The following L3MBTL4 variants were observed in gnomAD, a reference collection of about 807,000 sequenced individuals.
The protein encoded by L3MBTL4 is L3MBTL histone methyl-lysine binding protein 4, also known as lethal(3)malignant brain tumor-like protein 4.
In L3MBTL4, 70 loss-of-function variants were observed where a neutral mutation model predicts 84.5. The observed-to-expected ratio is 0.83, with a 90% CI of 0.68 to 1.01. The LOEUF (loss-of-function observed/expected upper bound fraction) is 1.01, where lower values mean the gene tolerates loss of function less well. Among genes scored for constraint, L3MBTL4 ranks in the 50% least tolerant of loss-of-function variants. The probability of loss-of-function intolerance (pLI) is 0.00; values close to 1 mark genes in which losing one functional copy is unlikely to be tolerated. For synonymous variants in L3MBTL4, 274 were observed against 259.8 expected, an observed-to-expected ratio of 1.05 and a Z score of -0.52; for missense variants, 715 against 754.8, an observed-to-expected ratio of 0.95 and a Z score of 0.62.
At chr18:5,964,510 C>CTT (rs140729651) in intron 17 of L3MBTL4, among the ~76,000 whole-genome samples, 6 of 149,574 alleles carry the variant, frequency 4.0e-5, no homozygotes, top group African/African-American at 1.5e-4. Flanking sequence ...GTTTATTTGC[C>CTT]TTTTTTTTTT....
At chr18:6,364,803 AGATGT>A in intron 1 of L3MBTL4, among the ~76,000 whole-genome samples, 1 of 152,116 alleles carries the variant, frequency 6.6e-6, no homozygotes, top group Non-Finnish European at 1.5e-5. Context: ...CTGTAATCTC[AGATGT>A]CAGTAAAGTC....
chr18:6,334,167 C>A (rs562652987), intron 1 of L3MBTL4, among the ~76,000 whole-genome samples: 1 of 152,302 alleles, frequency 6.6e-6, no homozygotes, highest in Non-Finnish European at 1.5e-5. Context: ...CATCTGCAAC[C>A]TTTTGATGCT....
intron 12 of L3MBTL4, among the ~76,000 whole-genome samples, chr18:6,200,543 T>G (rs1031084826): frequency 6.6e-6 from 1 of 152,178 alleles, no homozygotes; most frequent in Admixed American, 6.5e-5. Flanking sequence ...TTCCAGCCAT[T>G]TATTATCCAT....
intron 3 of L3MBTL4, among the ~76,000 whole-genome samples, chr18:6,307,393 C>T (rs537680397): frequency 1.0e-4 from 15 of 149,100 alleles, no homozygotes; most frequent in Admixed American, 3.4e-4. Flanking sequence ...GCCGAGATTG[C>T]GCCACTGCAC....
intron 4 of L3MBTL4, among the ~76,000 whole-genome samples, chr18:6,287,872 G>A (rs1464619600): frequency 2.0e-5 from 3 of 152,108 alleles, no homozygotes; most frequent in Non-Finnish European, 4.4e-5. Flanking sequence ...ATGAGACCCT[G>A]TCTCTATAAA....
intron 16 of L3MBTL4, among the ~76,000 whole-genome samples, chr18:5,987,519 C>A (rs2053516856): frequency 6.6e-6 from 1 of 152,222 alleles, no homozygotes; most frequent in Non-Finnish European, 1.5e-5. Flanking sequence ...TAGCATCCTC[C>A]TACAACGAGC....
At chr18:6,216,570 T>C (rs539291124) in intron 10 of L3MBTL4, among the ~76,000 whole-genome samples, 1 of 152,182 alleles carries the variant, frequency 6.6e-6, no homozygotes, top group Non-Finnish European at 1.5e-5. Flanking sequence ...CTACATCTCT[T>C]CAGTTTATTT....
intron 15 of L3MBTL4, among the ~76,000 whole-genome samples, chr18:6,083,319 A>G (rs1257683962): frequency 6.6e-6 from 1 of 152,190 alleles, no homozygotes; most frequent in Non-Finnish European, 1.5e-5. Context: ...GAGCATAAGT[A>G]ACGTGGGACG....
rs1050552734 is a variant in L3MBTL4 at position 5,997,012 on chromosome 18, C to T, written c.1445-27450G>A. Among the ~76,000 whole-genome samples, 6 of 141,908 alleles carry T rather than the reference C, an allele frequency of 4.2e-5. 1 individual carries two copies. The highest frequency in any genetic ancestry group is 1.9e-4 in the African/African-American group (6 of 31,906). 93.1% of individuals were successfully genotyped at this position (141,908 alleles called of 152,430 possible). On this transcript the variant is annotated intron_variant, in intron 16 of 18. Coordinates refer to ENST00000317931, the MANE Select transcript of L3MBTL4 (RefSeq NM_001330559.2). Reference sequence around the variant, plus strand: ...AGAAGCACAATTGATCCTCAGTATCCATGTCATGGATTCAACCAATTGCAG... The same window carrying T: ...AGAAGCACAATTGATCCTCAGTATCTATGTCATGGATTCAACCAATTGCAG...
intron 13 of L3MBTL4, among the ~76,000 whole-genome samples, chr18:6,160,077 G>C (rs1445416302): frequency 6.6e-6 from 1 of 152,188 alleles, no homozygotes; most frequent in East Asian, 1.9e-4. Context: ...GTCCTGGGGG[G>C]CTGCCCTGCT....
intron 12 of L3MBTL4, among the ~76,000 whole-genome samples, chr18:6,194,647 CTT>C (rs1457988567): frequency 6.6e-6 from 1 of 152,188 alleles, no homozygotes; most frequent in African/African-American, 2.4e-5. Flanking sequence ...TGGTCCCTAA[CTT>C]TGAACTGCAA....
At chr18:6,305,855 G>A (rs1022323748) in intron 3 of L3MBTL4, among the ~76,000 whole-genome samples, 9 of 152,138 alleles carry the variant, frequency 5.9e-5, no homozygotes, top group Admixed American at 1.3e-4. Flanking sequence ...TAGTGTCTAC[G>A]TTTCTCTGTC....
At chr18:6,365,577 G>T (rs1441812561) in intron 1 of L3MBTL4, among the ~76,000 whole-genome samples, 1 of 152,144 alleles carries the variant, frequency 6.6e-6, no homozygotes, top group Non-Finnish European at 1.5e-5. Context: ...AGCAACAATA[G>T]TGTGGTTTAA....
intron 17 of L3MBTL4, among the ~76,000 whole-genome samples, chr18:5,964,043 G>A (rs2052203767): frequency 6.6e-6 from 1 of 152,204 alleles, no homozygotes; most frequent in South Asian, 2.1e-4. Flanking sequence ...AGTGCCTGGT[G>A]GCATGGGGGC....
chr18:6,164,457 G>A (rs180875321), intron 13 of L3MBTL4, among the ~76,000 whole-genome samples: 6 of 152,254 alleles, frequency 3.9e-5, no homozygotes, highest in East Asian at 1.9e-4. Flanking sequence ...CACCTCACAC[G>A]GCTGGGTACT....
At chr18:6,113,595 C>G (rs556747983) in intron 14 of L3MBTL4, among the ~76,000 whole-genome samples, 1 of 151,952 alleles carries the variant, frequency 6.6e-6, no homozygotes, top group Non-Finnish European at 1.5e-5. Context: ...TCCTTTGAAC[C>G]CTCTAAGTGT....
At chr18:6,316,265 T>G (rs1298126498) in intron 1 of L3MBTL4, among the ~76,000 whole-genome samples, 1 of 152,256 alleles carries the variant, frequency 6.6e-6, no homozygotes, top group East Asian at 1.9e-4. Flanking sequence ...GGCAGCCCTA[T>G]GGGGTGGCTA....
intron 4 of L3MBTL4, among the ~76,000 whole-genome samples, chr18:6,289,262 A>T (rs1442304171): frequency 1.3e-5 from 2 of 152,174 alleles, no homozygotes; most frequent in African/African-American, 4.8e-5. Flanking sequence ...TGTTTTTCTA[A>T]AATTTCTAAA....
chr18:6,015,258 G>A (rs1158790659), intron 16 of L3MBTL4, among the ~76,000 whole-genome samples: 2 of 151,970 alleles, frequency 1.3e-5, no homozygotes, highest in African/African-American at 4.8e-5. Flanking sequence ...GAAAGGAAAG[G>A]GTGCCTAGTA....
Sources: gnomAD v4.1 joint callset for allele counts (sites outside exome capture counted in the v4.1 genomes callset) on GRCh38, gnomAD v4.1.1 for gene constraint, MANE v1.5 for transcripts, NCBI Gene and HGNC (gene_info 2026-07-23, HGNC 2026-07-21) for gene names.